The following SFSWAP variants were observed in gnomAD, a reference collection of about 807,000 sequenced individuals.
The protein encoded by SFSWAP is splicing factor SWAP.
A neutral mutation model predicts 100.7 loss-of-function variants in SFSWAP; 17 were observed. That is an observed-to-expected ratio of 0.17 (90% CI 0.12 to 0.25). The LOEUF (loss-of-function observed/expected upper bound fraction) is 0.25, where lower values mean the gene tolerates loss of function less well. Among genes scored for constraint, SFSWAP ranks in the 10% least tolerant of loss-of-function variants. SFSWAP has a pLI of 1.00. For synonymous variants in SFSWAP, 504 were observed against 510.1 expected, an observed-to-expected ratio of 0.99 and a Z score of 0.16; for missense variants, 1,005 against 1,262.6, an observed-to-expected ratio of 0.80 and a Z score of 3.09.
intron 13 of SFSWAP, among the ~76,000 whole-genome samples, chr12:131,772,051 C>T (rs185878316): frequency 6.3e-4 from 96 of 152,236 alleles, no homozygotes; most frequent in African/African-American, 2.2e-3. Flanking sequence ...AGGAAGGGCC[C>T]TTTCTTTGTC....
chr12:131,766,157 G>C lies in SFSWAP; in HGVS notation c.1991G>C (p.Arg664Pro), dbSNP rs760220013. 1 of 1,613,592 alleles carries C rather than the reference G, an allele frequency of 6.2e-7. No homozygotes were observed. Among genetic ancestry groups the C allele is most frequent in the South Asian group, 1.1e-5 (1 of 91,048 alleles). ...KLEDRLAAAA[R>P]EKLAQASKES... ...GAAGATCGCCTCGCAGCTGCTGCCC[G>C]GGAAAAGCTGGCCCAGGCGTCTAAG... is the stretch of plus-strand genomic sequence containing the variant. Residue 664 changes from arginine (R) to proline (P), a missense_variant, in exon 13 of 18, where the codon CGG becomes CCG. Coordinates refer to ENST00000261674, the MANE Select transcript of SFSWAP (RefSeq NM_004592.4).
intron 7 of SFSWAP, 40 bp downstream of exon 7, chr12:131,728,468 G>T (rs1377749618): frequency 6.3e-7 from 1 of 1,595,004 alleles, no homozygotes; most frequent in Non-Finnish European, 8.6e-7. Flanking sequence ...GTGTTCAGCT[G>T]CCTGTGACAG....
intron 14 of SFSWAP, among the ~76,000 whole-genome samples, chr12:131,779,474 A>G (rs1884324624): frequency 6.6e-6 from 1 of 152,192 alleles, no homozygotes; most frequent in South Asian, 2.1e-4. Flanking sequence ...CATCTTGGTG[A>G]AAACCACTTT....
rs868077707 is a variant in SFSWAP at position 131,768,843 on chromosome 12, G to T, written c.2142+2535G>T. On this transcript the variant is annotated intron_variant, in intron 13 of 17. Transcript: ENST00000261674. ...TCCTTAGCTTTAATAGGATTTCTTG[G>T]CTGGACGTGGTGGCTCATACCTGTA... Among the ~76,000 whole-genome samples, 78 of 152,306 alleles carry T rather than the reference G, an allele frequency of 5.1e-4. 2 individuals carry two copies. The highest frequency in any genetic ancestry group is 3.4e-3 in the Middle Eastern group (1 of 294).
chr12:131,757,837 A>T (rs1344570428), intron 11 of SFSWAP: 1 of 152,324 alleles, frequency 6.6e-6, no homozygotes. Flanking sequence ...GGCCACCCGC[A>T]TACTCTCACT....
chr12:131,776,747 G>A (rs1884057165), intron 13 of SFSWAP, among the ~76,000 whole-genome samples: 1 of 152,210 alleles, frequency 6.6e-6, no homozygotes, highest in African/African-American at 2.4e-5. Flanking sequence ...GAATTTCTTC[G>A]AGGCACAAAG....
At chr12:131,798,900 A>G (rs1294462985) in intron 16 of SFSWAP, 137 bp from the exon 17 acceptor site, 2 of 652,702 alleles carry the variant, frequency 3.1e-6, no homozygotes, top group Non-Finnish European at 5.5e-6. Context: ...GGAAAAAAAA[A>G]AAAAGATACT....
chr12:131,754,508 A>C lies in SFSWAP; in HGVS notation c.1454+9A>C. ...GCCAAGAATGATCAAAGGTCAGAAG[A>C]AGAATTTTATATGTTAGGTATATGG... On this transcript the variant is annotated intron_variant, in intron 9 of 17. Transcript: ENST00000261674. 1 of 1,558,368 alleles carries C rather than the reference A, an allele frequency of 6.4e-7. No individual in the cohort carries two copies. The highest frequency in any genetic ancestry group is 8.7e-7 in the Non-Finnish European group (1 of 1,152,346).
At chr12:131,724,161 A>G (rs1270118037) in intron 4 of SFSWAP, among the ~76,000 whole-genome samples, 1 of 152,218 alleles carries the variant, frequency 6.6e-6, no homozygotes, top group Non-Finnish European at 1.5e-5. Context: ...AACCATGGTA[A>G]TAGAAGTAGT....
At chr12:131,762,648 G>A (rs1882772966) in intron 11 of SFSWAP, among the ~76,000 whole-genome samples, 1 of 152,086 alleles carries the variant, frequency 6.6e-6, no homozygotes, top group Admixed American at 6.6e-5. Context: ...CTGGAGTAGT[G>A]CAGTGGCGTG....
chr12:131,716,133 C>T (rs751938682), intron 3 of SFSWAP, among the ~76,000 whole-genome samples: 14 of 152,226 alleles, frequency 9.2e-5, no homozygotes, highest in Non-Finnish European at 1.3e-4. Context: ...GCGATCCTAA[C>T]GGAATGATAG....
chr12:131,752,490 C>T (rs1881749797), intron 7 of SFSWAP, among the ~76,000 whole-genome samples: 1 of 152,238 alleles, frequency 6.6e-6, no homozygotes, highest in East Asian at 1.9e-4. Flanking sequence ...GCATACATCA[C>T]TGTCTGTGAT....
At chr12:131,726,173 T>TACAC (rs1299032287) in intron 5 of SFSWAP, among the ~76,000 whole-genome samples, 2 of 144,862 alleles carry the variant, frequency 1.4e-5, no homozygotes, top group African/African-American at 4.9e-5. Flanking sequence ...TATGTATATA[T>TACAC]ATACACACAC....
In SFSWAP at chr12:131,711,955, G is replaced by T. The variant is rs1414470769; in HGVS notation, c.218+508G>T. On this transcript the variant is annotated intron_variant, in intron 1 of 17. Transcript: ENST00000261674. This position sits in a 1 kb window ranked among gnomAD's most constrained non-coding sequence, Gnocchi z 4.9. ...AAGTGTCTCTTGGACCTGTGAGTTA[G>T]CCTTAACCTGTTATGCCCCCAGAGC... 1 of 156,812 alleles carries T rather than the reference G, an allele frequency of 6.4e-6. No individual in the cohort carries two copies. The highest frequency in any genetic ancestry group is 1.9e-4 in the East Asian group (1 of 5,264). The allele number at this position is 156,812 out of a possible 1,614,324, so 9.7% of individuals were successfully genotyped here.
At chr12:131,771,655 T>TTTTTTTG (rs1883617576) in intron 13 of SFSWAP, among the ~76,000 whole-genome samples, 1 of 144,318 alleles carries the variant, frequency 6.9e-6, no homozygotes, top group African/African-American at 2.6e-5. Context: ...TGTCTCTTTT[T>TTTTTTTG]TTTTTTTTTT....
In SFSWAP at chr12:131,711,383, C is replaced by T. The variant is rs764678720; in HGVS notation, c.154C>T (p.Leu52=). ...CKLFRDDERA[L]AQEQGQHLIP... is the part of the protein sequence containing the mutation. The stretch of plus-strand genomic sequence containing the variant: ...GCTGTTCCGGGACGACGAGCGGGCC[C>T]TGGCTCAGGAACAGGGACAGCACCT... The change falls in exon 1 of 18, where the codon CTG becomes TTG. Residue 52 remains leucine, a synonymous_variant. Coordinates refer to ENST00000261674, the MANE Select transcript of SFSWAP (RefSeq NM_004592.4). The surrounding 1 kb of genome is among the most constrained non-coding windows in gnomAD (Gnocchi z 4.9). The T allele has an allele frequency of 5.0e-6, 8 of 1,613,848 alleles. No individual in the cohort carries two copies. In the Admixed American group the frequency reaches 1.0e-4, roughly 20 times the overall value.
chr12:131,764,706 A>G lies in SFSWAP; in HGVS notation c.1951+20A>G, dbSNP rs760192240. ...AGCAAGGTTTGTTGATAGCTTTTAA[A>G]CTTCTTGAAAGAAAGGAAATACACA... On this transcript the variant is annotated intron_variant, in intron 12 of 17. Transcript: ENST00000261674. 136 of 1,536,148 alleles carry G rather than the reference A, an allele frequency of 8.9e-5. No homozygotes were observed. The highest frequency in any genetic ancestry group is 8.5e-4 in the Middle Eastern group (5 of 5,886).
intron 7 of SFSWAP, among the ~76,000 whole-genome samples, chr12:131,742,624 G>A (rs977260631): frequency 6.8e-6 from 1 of 147,722 alleles, no homozygotes; most frequent in Non-Finnish European, 1.5e-5. Flanking sequence ...GTCTTCTCTT[G>A]TTGGGGGACT....
chr12:131,756,060 G>A (rs1228228068), intron 10 of SFSWAP, among the ~76,000 whole-genome samples: 2 of 152,238 alleles, frequency 1.3e-5, no homozygotes, highest in Non-Finnish European at 2.9e-5. Flanking sequence ...TTTTGGTGAG[G>A]AGATGACATG....
Sources: gnomAD v4.1 joint callset for allele counts (sites outside exome capture counted in the v4.1 genomes callset) on GRCh38, gnomAD v4.1.1 for gene constraint, Gnocchi (gnomAD v3.1) non-coding constraint, MANE v1.5 for transcripts, NCBI Gene and HGNC (gene_info 2026-07-23, HGNC 2026-07-21) for gene names.